The following SELP variants were observed in gnomAD, a reference collection of about 807,000 sequenced individuals.
SELP encodes selectin P, also known as P-selectin.
SELP carries 92 observed loss-of-function variants against 104.1 expected under a neutral mutation model. The observed-to-expected ratio is 0.88, with a 90% confidence interval of 0.75 to 1.05. SELP has a LOEUF of 1.05. Among genes scored for constraint, SELP ranks in the 50% least tolerant of loss-of-function variants. The probability of loss-of-function intolerance (pLI) is 0.00; values close to 1 mark genes in which losing one functional copy is unlikely to be tolerated. For missense variants in SELP, 1,022 were observed against 1,017.3 expected, an observed-to-expected ratio of 1.00 and a Z score of -0.06; for synonymous variants, 397 against 364.5, an observed-to-expected ratio of 1.09 and a Z score of -1.01.
At chr1:169,616,286 T>G (rs925759182) in intron 3 of SELP, among the ~76,000 whole-genome samples, 1 of 152,256 alleles carries the variant, frequency 6.6e-6, no homozygotes, top group Admixed American at 6.5e-5. Context: ...CTTGGTTATA[T>G]TCTCAAATTG....
At chr1:169,614,937 G>A (rs1282692183) in intron 3 of SELP, among the ~76,000 whole-genome samples, 1 of 152,150 alleles carries the variant, frequency 6.6e-6, no homozygotes, top group African/African-American at 2.4e-5. Flanking sequence ...ACCCCTGCCT[G>A]CCCTATGTTC....
chr1:169,613,515 A>G, intron 4 of SELP, 71 bp downstream of exon 4: 2 of 1,197,162 alleles, frequency 1.7e-6, no homozygotes, highest in Non-Finnish European at 2.5e-6. Context: ...AGACTTCAAC[A>G]TGATTTATTT....
At chr1:169,609,390 A>C (rs528340467) in intron 8 of SELP, 114 bp downstream of exon 8, 15 of 1,047,002 alleles carry the variant, frequency 1.4e-5, no homozygotes, top group Admixed American at 2.6e-5. Context: ...GACATGGCCC[A>C]TAGTAGGTTC....
intron 16 of SELP, 128 bp downstream of exon 16, chr1:169,590,019 C>T (rs970898375): frequency 9.4e-6 from 6 of 638,316 alleles, no homozygotes; most frequent in African/African-American, 9.2e-5. Context: ...CAATTTCCTT[C>T]ATGCCTGAAA....
chr1:169,601,024 G>C (rs1364110339), intron 10 of SELP, among the ~76,000 whole-genome samples: 3 of 152,220 alleles, frequency 2.0e-5, no homozygotes, highest in Admixed American at 1.3e-4. Context: ...GGGCTTTAGA[G>C]ATTACAGATT....
chr1:169,617,200 C>T lies in SELP; in HGVS notation c.309G>A (p.Trp103Ter). The T allele has an allele frequency of 6.2e-7, 1 of 1,614,058 alleles. No individual in the cohort carries two copies. Among genetic ancestry groups the T allele is most frequent in the Non-Finnish European group, 8.5e-7 (1 of 1,180,004 alleles). ...TGGTGAGAGCCTTTTTGGTTCCCAC[C>T]CATGTCCATGTCTTATTGTTCTTTC... ...GIRKNNKTWTWVGTKKALTNE... is the reference protein window; with the variant it reads ...GIRKNNKTWT Residue 103 changes from tryptophan to a stop codon, truncating the protein, a stop_gained, in exon 3 of 17, where the codon TGG becomes TGA. Transcript: ENST00000263686. LOFTEE classifies it high-confidence loss of function.
rs773534939 is a variant in SELP at position 169,590,192 on chromosome 1, T to C, written c.2449A>G (p.Thr817Ala). The stretch of plus-strand genomic sequence containing the variant: ...GCAGCGTTTGTAAAAACTCCATATG[T>C]TCCTAGGTGGCTAAAGAACAGAAAC... ...CPLNPHSHLG[T>A]YGVFTNAAFD... The change falls in exon 16 of 17, where the codon ACA (threonine) becomes GCA (alanine). Residue 817 changes from threonine to alanine, a missense_variant. By Grantham distance (58) the Thr-to-Ala change is moderately conservative. Coordinates refer to ENST00000263686, the MANE Select transcript of SELP (RefSeq NM_003005.4). 1.2e-6 allele frequency: 2 copies of C among 1,612,984 alleles called. No homozygotes were observed. The highest frequency in any genetic ancestry group is 2.2e-5 in the South Asian group (2 of 91,046).
Position 169,617,071 on chromosome 1 carries a change from A to G in SELP, c.438T>C (p.Asn146=), listed in dbSNP as rs770511996. The G allele has an allele frequency of 1.6e-5, 26 of 1,613,520 alleles. No individual in the cohort carries two copies. The South Asian group carries it at 2.9e-4, about 18-fold the overall frequency. The stretch of plus-strand genomic sequence containing the variant: ...GCTTTTTCTTCAAGCAGTGCTCATC[A>G]TTCCACTTGCCAGGGGCTGACGGAC... ...IKSPSAPGKW[N]DEHCLKKKHA... is the part of the protein sequence containing the mutation. The change falls in exon 3 of 17, where the codon AAT becomes AAC. Residue 146 remains asparagine (N), a synonymous_variant. Coordinates refer to ENST00000263686, the MANE Select transcript of SELP (RefSeq NM_003005.4).
At chr1:169,611,343 A>T (rs1193477212) in intron 7 of SELP, 149 bp downstream of exon 7, 1 of 731,320 alleles carries the variant, frequency 1.4e-6, no homozygotes, top group Non-Finnish European at 2.3e-6. Context: ...CATTTCACAG[A>T]TGAGAAAACC....
At chr1:169,605,776 T>A (rs1662159775) in intron 9 of SELP, among the ~76,000 whole-genome samples, 1 of 152,050 alleles carries the variant, frequency 6.6e-6, no homozygotes, top group South Asian at 2.1e-4. Flanking sequence ...AGGATAGGAG[T>A]ATTTAAGAGG....
In SELP at chr1:169,603,130, G is replaced by T; in HGVS notation, c.1601C>A (p.Ser534Tyr). 1 of 1,614,090 alleles carries T rather than the reference G, an allele frequency of 6.2e-7. No homozygotes were observed. Among genetic ancestry groups the T allele is most frequent in the Non-Finnish European group, 8.5e-7 (1 of 1,179,982 alleles). ...CTCGTCACAGATGAATTGACATGTG[G>T]ATTTATAACTGGAACTTCCAAGAGG... ...VQPLGSSSYK[S>Y]TCQFICDEGY... The change falls in exon 10 of 17, where the codon TCC becomes TAC. Residue 534 changes from serine to tyrosine, a missense_variant. Transcript: ENST00000263686.
chr1:169,604,324 T>G (rs1340249224), intron 9 of SELP, among the ~76,000 whole-genome samples: 1 of 152,114 alleles, frequency 6.6e-6, no homozygotes, highest in Non-Finnish European at 1.5e-5. Flanking sequence ...TAAATTTGTT[T>G]GAGTTCATTG....
rs756612331 is a variant in SELP at position 169,593,600 on chromosome 1, T to C, written c.2407+5A>G. ...GATGCAAAGAGAAGACTCTTTCCTA[T>C]TTACCTTTTTGTCTGAAACGCTTTC... On this transcript the variant is annotated splice_donor_5th_base_variant and intron_variant, in intron 14 of 16. Transcript: ENST00000263686. The C allele has an allele frequency of 1.9e-6, 3 of 1,611,880 alleles. No homozygotes were observed. Among genetic ancestry groups the C allele is most frequent in the East Asian group, 2.2e-5 (1 of 44,854 alleles).
At chr1:169,598,145 C>T (rs1009141740) in intron 10 of SELP, among the ~76,000 whole-genome samples, 1 of 152,178 alleles carries the variant, frequency 6.6e-6, no homozygotes, top group Non-Finnish European at 1.5e-5. Context: ...TTCACAATTT[C>T]CCCCCAAAAG....
Position 169,593,551 on chromosome 1 carries a change from A to T in SELP, c.2407+54T>A. 3 of 1,547,564 alleles carry T rather than the reference A, an allele frequency of 1.9e-6. No homozygotes were observed. In the South Asian group the frequency reaches 3.4e-5, roughly 18 times the overall value. ...TCCCCACCCTAAATTACATAAATCA[A>T]TTTCTTTTGATTTATGTAACCAAGA... On this transcript the variant is annotated intron_variant, in intron 14 of 16. Coordinates refer to ENST00000263686, the MANE Select transcript of SELP (RefSeq NM_003005.4).
chr1:169,592,454 C>T (rs574499049), intron 14 of SELP, among the ~76,000 whole-genome samples: 13 of 152,220 alleles, frequency 8.5e-5, no homozygotes, highest in African/African-American at 3.1e-4. Context: ...TTTCCATTAC[C>T]TTGATTTGAG....
At chr1:169,598,211 A>G (rs1171000975) in intron 10 of SELP, among the ~76,000 whole-genome samples, 2 of 152,212 alleles carry the variant, frequency 1.3e-5, no homozygotes, top group Non-Finnish European at 2.9e-5. Flanking sequence ...TTTTCTCCCC[A>G]TTAATTCTCT....
intron 7 of SELP, among the ~76,000 whole-genome samples, chr1:169,609,963 A>T (rs566320565): frequency 1.3e-5 from 2 of 152,084 alleles, no homozygotes; most frequent in Admixed American, 6.5e-5. Context: ...AGCCCCTGCA[A>T]TGTGCTCCCA....
chr1:169,612,791 T>G (rs971997286), intron 5 of SELP, 138 bp downstream of exon 5: 2 of 665,480 alleles, frequency 3.0e-6, no homozygotes, highest in Non-Finnish European at 4.8e-6. Flanking sequence ...GGTTGACAGT[T>G]AACAGTGATA....
Sources: gnomAD v4.1 joint callset for allele counts (sites outside exome capture counted in the v4.1 genomes callset) on GRCh38, gnomAD v4.1.1 for gene constraint, MANE v1.5 for transcripts, NCBI Gene and HGNC (gene_info 2026-07-23, HGNC 2026-07-21) for gene names.